Variants in MACROD2 observed in about 807,000 individuals in gnomAD.
The protein encoded by MACROD2 is mono-ADP ribosylhydrolase 2, also known as ADP-ribose glycohydrolase MACROD2.
In MACROD2, 36 loss-of-function variants were observed where a neutral mutation model predicts 70.4. That is an observed-to-expected ratio of 0.51 (90% CI 0.39 to 0.68). The LOEUF (loss-of-function observed/expected upper bound fraction) is 0.68. MACROD2 is among the 30% of genes least tolerant of loss of function. The pLI is 0.00. For synonymous variants in MACROD2, 172 were observed against 178.8 expected (o/e 0.96, Z 0.30); for missense variants, 496 against 538.4 (o/e 0.92, Z 0.78).
intron 8 of MACROD2, among the ~76,000 whole-genome samples, chr20:15,522,992 C>A (rs2047673344): frequency 6.6e-6 from 1 of 152,040 alleles, no homozygotes; most frequent in African/African-American, 2.4e-5. Flanking sequence ...GATAAAAATC[C>A]AACCATTTGG....
At chr20:15,466,565 A>T (rs1260498279) in intron 7 of MACROD2, among the ~76,000 whole-genome samples, 1 of 152,196 alleles carries the variant, frequency 6.6e-6, no homozygotes, top group East Asian at 1.9e-4. Context: ...TGTCACTGGA[A>T]CCAGTGGTCT....
intron 7 of MACROD2, among the ~76,000 whole-genome samples, chr20:15,432,925 T>C (rs1479458294): frequency 6.6e-6 from 1 of 151,732 alleles, no homozygotes; most frequent in African/African-American, 2.4e-5. Flanking sequence ...CAAAGGAAAA[T>C]AGGGAAGGAC....
At chr20:15,477,002 A>G (rs894398690) in intron 7 of MACROD2, among the ~76,000 whole-genome samples, 3 of 151,428 alleles carry the variant, frequency 2.0e-5, no homozygotes, top group South Asian at 2.1e-4. Flanking sequence ...TTTCTTCTCT[A>G]TGGCATCTTC....
chr20:14,880,708 A>G (rs572917192), intron 5 of MACROD2, among the ~76,000 whole-genome samples: 1 of 152,220 alleles, frequency 6.6e-6, no homozygotes, highest in African/African-American at 2.4e-5. Flanking sequence ...AGGAGAGGCC[A>G]AAAATTAAAG....
intron 3 of MACROD2, among the ~76,000 whole-genome samples, chr20:14,271,142 A>G (rs6042633): frequency 0.64 from 97,485 of 152,038 alleles, 32,725 homozygotes; most frequent in Non-Finnish European, 0.75. Flanking sequence ...GAGAGCAGTG[A>G]TTCTCCCAGC....
intron 6 of MACROD2, among the ~76,000 whole-genome samples, chr20:15,351,626 C>T (rs1314619347): frequency 6.6e-6 from 1 of 152,130 alleles, no homozygotes; most frequent in Admixed American, 6.6e-5. Flanking sequence ...AGGATAGTAG[C>T]TTTCAGTGAG....
chr20:15,161,167 TC>T (rs1202329386), intron 5 of MACROD2, among the ~76,000 whole-genome samples: 1 of 152,026 alleles, frequency 6.6e-6, no homozygotes, highest in Non-Finnish European at 1.5e-5. Flanking sequence ...GGACTAATCT[TC>T]AGCTGGCTGT....
chr20:14,934,643 TG>T (rs1182170790), intron 5 of MACROD2, among the ~76,000 whole-genome samples: 1 of 151,880 alleles, frequency 6.6e-6, no homozygotes, highest in Non-Finnish European at 1.5e-5. Context: ...AAAAATTAGC[TG>T]GGTGTGGTGG....
chr20:14,264,071 T>C (rs2082123380), intron 3 of MACROD2, among the ~76,000 whole-genome samples: 1 of 149,354 alleles, frequency 6.7e-6, no homozygotes, highest in Non-Finnish European at 1.5e-5. Context: ...TGCATGAAAA[T>C]TGGTAAAGCT....
At chr20:15,804,087 C>T (rs1203299421) in intron 8 of MACROD2, among the ~76,000 whole-genome samples, 2 of 152,168 alleles carry the variant, frequency 1.3e-5, no homozygotes, top group Non-Finnish European at 2.9e-5. Context: ...AGTATTTCCC[C>T]AACTCAGTGC....
At chr20:15,622,117 A>G (rs1482952691) in intron 8 of MACROD2, among the ~76,000 whole-genome samples, 3 of 152,134 alleles carry the variant, frequency 2.0e-5, no homozygotes, top group African/African-American at 7.2e-5. Flanking sequence ...TCTTGAACGG[A>G]ACAGTTGTTT....
At chr20:14,560,923 C>T (rs1979392022) in intron 4 of MACROD2, among the ~76,000 whole-genome samples, 1 of 151,774 alleles carries the variant, frequency 6.6e-6, no homozygotes, top group African/African-American at 2.4e-5. Context: ...TATTAATATA[C>T]TAGGAAACTC....
intron 3 of MACROD2, among the ~76,000 whole-genome samples, chr20:14,107,314 A>G (rs4012830): frequency 0.99 from 150,868 of 152,284 alleles, 74,747 homozygotes; most frequent in East Asian, 1. Context: ...GAAAGAATTA[A>G]TGAGCTCAAA....
Position 15,190,045 on chromosome 20 carries a change from C to T in MACROD2, c.419-39895C>T, listed in dbSNP as rs575924809. On this transcript the variant is annotated intron_variant, in intron 5 of 17. Coordinates refer to ENST00000684519, the MANE Select transcript of MACROD2 (RefSeq NM_001351661.2). Reference sequence around the variant, plus strand: ...TCAAATACATACTACTTCCTTCTTTCTCTTCAACTTGTTTTGACTTTCATT... The same window carrying T: ...TCAAATACATACTACTTCCTTCTTTTTCTTCAACTTGTTTTGACTTTCATT... Among the ~76,000 whole-genome samples the T allele has an allele frequency of 4.6e-5, 7 of 152,242 alleles. No individual in the cohort carries two copies. The South Asian group carries it at 1.5e-3, about 32-fold the overall frequency.
chr20:14,138,274 A>G (rs904289130), intron 3 of MACROD2, among the ~76,000 whole-genome samples: 6 of 152,196 alleles, frequency 3.9e-5, no homozygotes, highest in African/African-American at 1.4e-4. Flanking sequence ...TCTGATGGAG[A>G]TGAAATCAGC....
At chr20:15,031,959 G>T (rs1356898387) in intron 5 of MACROD2, among the ~76,000 whole-genome samples, 1 of 152,130 alleles carries the variant, frequency 6.6e-6, no homozygotes, top group African/African-American at 2.4e-5. Context: ...GGCCCGCACC[G>T]AGCTGACCGC....
intron 4 of MACROD2, among the ~76,000 whole-genome samples, chr20:14,658,771 G>A (rs995123181): frequency 2.0e-5 from 3 of 152,040 alleles, no homozygotes; most frequent in African/African-American, 4.8e-5. Context: ...ATGCTGCCAT[G>A]CCCGGCAAGT....
rs111628558 is a variant in MACROD2, at chr20:14,163,040, G to T, written c.271+77312G>T. On this transcript the variant is annotated intron_variant, in intron 3 of 17. Transcript: ENST00000684519. Reference sequence around the variant, plus strand: ...CTTTTTATTTGTGTTTGCTTCACCAGTGGTTTTTATATTTTCATATGTTTT... The same window carrying T: ...CTTTTTATTTGTGTTTGCTTCACCATTGGTTTTTATATTTTCATATGTTTT... Among the ~76,000 whole-genome samples, 499 of 152,130 alleles carry T rather than the reference G, an allele frequency of 3.3e-3. 9 individuals are homozygous for T. Among genetic ancestry groups the T allele is most frequent in the African/African-American group, 0.011 (472 of 41,504 alleles).
At chr20:15,909,514 A>ATTTT (rs10617621) in intron 10 of MACROD2, among the ~76,000 whole-genome samples, 3 of 70,812 alleles carry the variant, frequency 4.2e-5, no homozygotes, top group Non-Finnish European at 4.9e-5. Context: ...ACATAATACA[A>ATTTT]TTTTTTTTTT....
Sources: allele counts gnomAD v4.1 joint callset (sites outside exome capture counted in the v4.1 genomes callset), GRCh38; gene constraint gnomAD v4.1.1; transcripts MANE v1.5; gene names NCBI Gene and HGNC (gene_info 2026-07-23, HGNC 2026-07-21).